The following TSEN34 variants were observed in gnomAD, a reference collection of about 807,000 sequenced individuals.
The protein encoded by TSEN34 is tRNA-splicing endonuclease subunit Sen34.
TSEN34 carries 25 observed loss-of-function variants against 30.2 expected under a neutral mutation model. The ratio of observed to expected loss-of-function variants is 0.83; its 90% CI spans 0.60 to 1.16. The LOEUF (loss-of-function observed/expected upper bound fraction) is 1.16. Among genes scored for constraint, TSEN34 ranks in the 50% most tolerant of loss-of-function variants. The pLI, the probability that TSEN34 is intolerant of heterozygous loss-of-function variation, is 0.00. For missense variants in TSEN34, 475 were observed against 411.9 expected (o/e 1.15, Z -1.33); for synonymous variants, 209 against 177.4 (o/e 1.18, Z -1.41).
Position 54,193,407 on chromosome 19 carries a change from T to C in TSEN34, c.*45T>C. ...TGTGGCTGTGTCGGCAGCAAGAGCC[T>C]TTCTGGATGTTCCCCAGCTCTTCTC... On this transcript the variant is annotated 3_prime_UTR_variant, in exon 4 of 4. Transcript: ENST00000396388. The C allele has an allele frequency of 1.9e-6, 3 of 1,611,816 alleles. No homozygotes were observed. Among genetic ancestry groups the C allele is most frequent in the Non-Finnish European group, 2.5e-6 (3 of 1,179,022 alleles).
upstream of TSEN34, chr19:54,190,989 GTGTC>G: frequency 9.0e-7 from 1 of 1,109,896 alleles, no homozygotes; most frequent in Non-Finnish European, 1.1e-6. Context: ...GTAAGGGGGC[GTGTC>G]GCCGCGCTTG....
intron 2 of TSEN34, 28 bp from the exon 3 acceptor site, chr19:54,192,088 C>A (rs774365149): frequency 7.4e-6 from 12 of 1,614,092 alleles, no homozygotes; most frequent in Non-Finnish European, 9.3e-6. Context: ...CTTGAATTTA[C>A]CAAACTCTTC....
In TSEN34 at chr19:54,193,572, G is replaced by A. The variant is rs963687779; in HGVS notation, c.*210G>A. 3 of 1,518,502 alleles carry A rather than the reference G, an allele frequency of 2.0e-6. No homozygotes were observed. The highest frequency in any genetic ancestry group is 2.4e-5 in the South Asian group (2 of 83,660). 94.1% of individuals were successfully genotyped at this position (1,518,502 alleles called of 1,614,324 possible). A position where few individuals can be genotyped will look rare whatever the true frequency, so the allele number is the denominator to read the frequency against. ...TTTTGTAGTTACCTATTTTCACACT[G>A]TGAGCTTCCCGAGAATGGGGCCTGG... On this transcript the variant is annotated 3_prime_UTR_variant, in exon 4 of 4. Transcript: ENST00000396388.
At chr19:54,190,059 C>T (rs2076604619), upstream of TSEN34, 4 of 505,136 alleles carry the variant, frequency 7.9e-6, no homozygotes, top group African/African-American at 2.0e-5. Context: ...AAGCGACTTG[C>T]CCTCAAAGGG....
intron 3 of TSEN34, among the ~76,000 whole-genome samples, chr19:54,192,635 T>C (rs2147086442): frequency 6.6e-6 from 1 of 152,230 alleles, no homozygotes; most frequent in Non-Finnish European, 1.5e-5. Context: ...ATTTGGGAGC[T>C]CCCGAACTCA....
chr19:54,190,975 C>T, upstream of TSEN34: 1 of 1,089,014 alleles, frequency 9.2e-7, no homozygotes, highest in Non-Finnish European at 1.1e-6. Context: ...CAAAATGGAC[C>T]TTTGTAAGGG....
chr19:54,190,259 G>A, upstream of TSEN34: 1 of 1,099,800 alleles, frequency 9.1e-7, no homozygotes, highest in Non-Finnish European at 1.3e-6. Context: ...CGGCGCTGAT[G>A]GGGCGGGATG....
upstream of TSEN34, chr19:54,189,979 A>T (rs1423499607): frequency 4.7e-6 from 2 of 425,772 alleles, no homozygotes; most frequent in East Asian, 4.7e-5. Flanking sequence ...GGTACAAGTG[A>T]CGCTAGGATG....
chr19:54,191,541 C>G lies in TSEN34; in HGVS notation c.177C>G (p.Leu59=), dbSNP rs371101113. The change falls in exon 1 of 4, where the codon CTC becomes CTG. Residue 59 remains leucine (L), a synonymous_variant. Transcript: ENST00000396388. The part of the protein sequence containing the change: ...PLLLMPEEAR[L]LAEIGAVTLV... ...TGCTGATGCCCGAAGAGGCGCGGCT[C>G]TTGGCCGAGATCGGCGCCGTGACTC... 5.9e-5 allele frequency: 95 copies of G among 1,601,340 alleles called. No homozygotes were observed. The highest frequency in any genetic ancestry group is 1.7e-4 in the Admixed American group (10 of 59,646).
At position 54,191,782 on chromosome 19, in the gene TSEN34, C is replaced by T; in HGVS notation, c.305C>T (p.Ala102Val). 1 of 1,614,202 alleles carries T rather than the reference C, an allele frequency of 6.2e-7. No individual in the cohort carries two copies. Among genetic ancestry groups the T allele is most frequent in the Non-Finnish European group, 8.5e-7 (1 of 1,180,034 alleles). ...ESFQEQSALA[A>V]EARETRRQEL... is the part of the protein sequence containing the mutation. ...TTCCAGGAGCAGAGCGCCTTGGCAG[C>T]TGAGGCCCGGGAGACCCGTCGTCAG... The change falls in exon 2 of 4, where the codon GCT becomes GTT. Residue 102 changes from alanine to valine, a missense_variant. Ala to Val is a moderately conservative substitution (Grantham distance 64, BLOSUM62 0). Coordinates refer to ENST00000396388, the MANE Select transcript of TSEN34 (RefSeq NM_001077446.4).
upstream of TSEN34, chr19:54,190,569 C>A: frequency 8.1e-7 from 1 of 1,242,010 alleles, no homozygotes; most frequent in Non-Finnish European, 1.0e-6. Flanking sequence ...TCGGAGGGGG[C>A]GGGGCCACAG....
At chr19:54,190,602 A>T, upstream of TSEN34, 4 of 1,241,238 alleles carry the variant, frequency 3.2e-6, no homozygotes, top group Non-Finnish European at 4.1e-6. Flanking sequence ...CCGGGAGCCG[A>T]TGACGCCCGA....
chr19:54,191,627 A>C lies in TSEN34; in HGVS notation c.243+20A>C. 6.2e-7 allele frequency: 1 copy of C among 1,605,734 alleles called. No homozygotes were observed. Among genetic ancestry groups the C allele is most frequent in the Non-Finnish European group, 8.5e-7 (1 of 1,179,170 alleles). On this transcript the variant is annotated intron_variant, in intron 1 of 3. Coordinates refer to ENST00000396388, the MANE Select transcript of TSEN34 (RefSeq NM_001077446.4). ...AGCCTGGTAAGGGGGCGGGGCTCGA[A>C]CTCGGGTTCGGTGGGAGCGGGACCT...
upstream of TSEN34, chr19:54,191,049 A>G: frequency 8.0e-7 from 1 of 1,250,760 alleles, no homozygotes; most frequent in Non-Finnish European, 1.0e-6. Context: ...TAGGTACGGC[A>G]GTGCGGGCAC....
chr19:54,192,550 T>C (rs1439870156), intron 3 of TSEN34, among the ~76,000 whole-genome samples, 177 bp downstream of exon 3: 2 of 152,058 alleles, frequency 1.3e-5, no homozygotes, highest in African/African-American at 2.4e-5. Flanking sequence ...AGTGCTGGAA[T>C]TATAGGCCCA....
chr19:54,190,225 C>T (rs2076612221), upstream of TSEN34: 2 of 764,268 alleles, frequency 2.6e-6, no homozygotes, highest in Non-Finnish European at 4.3e-6. Flanking sequence ...TTCGGTCCTG[C>T]GAGGGGCGGG....
chr19:54,194,511 A>G lies in TSEN34; in HGVS notation c.*1149A>G, dbSNP rs1029814281. ...ACTAGAACACTACCACTATTCCAAT[A>G]ATTACACCTTTATCTTATCAATGTG... On this transcript the variant is annotated 3_prime_UTR_variant, in exon 4 of 4. Coordinates refer to ENST00000396388, the MANE Select transcript of TSEN34 (RefSeq NM_001077446.4). The G allele has an allele frequency of 6.6e-6, 1 of 152,206 alleles. No individual in the cohort carries two copies. Among genetic ancestry groups the G allele is most frequent in the Non-Finnish European group, 1.5e-5 (1 of 68,044 alleles). 9.4% of individuals were successfully genotyped at this position (152,206 alleles called of 1,614,324 possible). A position where few individuals can be genotyped will look rare whatever the true frequency, so the allele number is the denominator to read the frequency against.
upstream of TSEN34, chr19:54,190,607 GC>G (rs1182733461): frequency 3.2e-6 from 4 of 1,243,000 alleles, no homozygotes; most frequent in Non-Finnish European, 4.1e-6. Flanking sequence ...AGCCGATGAC[GC>G]CCGAACGCCG....
At chr19:54,192,014 CT>C (rs1364200428) in intron 2 of TSEN34, 50 bp downstream of exon 2, 1 of 1,613,928 alleles carries the variant, frequency 6.2e-7, no homozygotes, top group Non-Finnish European at 8.5e-7. Flanking sequence ...GAGGAGAGAT[CT>C]TTTAGGAATT....
Sources: gnomAD v4.1 joint callset for allele counts (sites outside exome capture counted in the v4.1 genomes callset) on GRCh38, gnomAD v4.1.1 for gene constraint, MANE v1.5 for transcripts, NCBI Gene and HGNC (gene_info 2026-07-23, HGNC 2026-07-21) for gene names.